The following RFT1 variants were observed in gnomAD, a reference collection of about 807,000 sequenced individuals.
RFT1 encodes the protein RFT1 glycolipid translocator homolog.
In RFT1, 43 loss-of-function variants were observed where a neutral mutation model predicts 62.2. The observed-to-expected ratio is 0.69, with a 90% CI of 0.54 to 0.89. The LOEUF (loss-of-function observed/expected upper bound fraction) is 0.89, where lower values mean the gene tolerates loss of function less well. Among genes scored for constraint, RFT1 ranks in the 40% least tolerant of loss-of-function variants. RFT1 has a pLI of 0.00. For missense variants in RFT1, 605 were observed against 649.9 expected, an observed-to-expected ratio of 0.93 and a Z score of 0.75; for synonymous variants, 262 against 264.6, an observed-to-expected ratio of 0.99 and a Z score of 0.10.
At chr3:53,072,630 C>T in the RFT1 span, among the ~76,000 whole-genome samples, 5 of 152,182 alleles carry the variant, frequency 3.3e-5, no homozygotes, top group Non-Finnish European at 5.9e-5. Flanking sequence ...TGGCTCAGGG[C>T]TGGGCTCCCA....
intron 5 of RFT1, 27 bp downstream of exon 5, chr3:53,121,672 T>C: frequency 6.5e-7 from 1 of 1,548,694 alleles, no homozygotes; most frequent in Non-Finnish European, 8.9e-7. Context: ...AAAGATCATA[T>C]AAAAAGTTAA....
intron 5 of RFT1, among the ~76,000 whole-genome samples, 188 bp downstream of exon 5, chr3:53,121,511 G>A (rs1023930243): frequency 2.0e-5 from 3 of 152,134 alleles, no homozygotes; most frequent in East Asian, 3.8e-4. Context: ...AAACACCTAC[G>A]GTCTCAGTGT....
At chr3:53,068,271 GC>G in the RFT1 span, among the ~76,000 whole-genome samples, 9,489 of 151,890 alleles carry the variant, frequency 0.062, 409 homozygotes, top group Middle Eastern at 0.12. Context: ...GTCTCAGACT[GC>G]CCCCCATCCA....
At chr3:53,097,458 A>G (rs558620756) in intron 11 of RFT1, among the ~76,000 whole-genome samples, 29 of 152,332 alleles carry the variant, frequency 1.9e-4, no homozygotes, top group African/African-American at 6.5e-4. Context: ...TTTTTTCTCT[A>G]TGTTGACTAA....
At chr3:53,101,962 G>A (rs1055205215) in intron 10 of RFT1, among the ~76,000 whole-genome samples, 15 of 149,766 alleles carry the variant, frequency 1.0e-4, no homozygotes, top group South Asian at 2.1e-4. Flanking sequence ...TCTTGAACCC[G>A]GGAGGTGGAG....
At chr3:53,087,631 T>C (rs1177938071), downstream of RFT1, among the ~76,000 whole-genome samples, 1 of 152,100 alleles carries the variant, frequency 6.6e-6, no homozygotes, top group East Asian at 1.9e-4. Context: ...AAGCAATCCT[T>C]TGCACCTCAG....
rs914696330 is a variant in RFT1, at chr3:53,122,443, C to T, written c.387G>A (p.Ser129=). ...YATGVVLFGL[S]AVVELLGEPF... ...GCTCTCCTAGAAGCTCCACCACTGC[C>T]GAGAGACCAAACAGCACCACTCCAG... The change falls in exon 4 of 13, where the codon TCG becomes TCA. Residue 129 remains serine (S), a synonymous_variant. Transcript: ENST00000296292. The T allele has an allele frequency of 1.4e-5, 22 of 1,614,030 alleles. No homozygotes were observed. The highest frequency in any genetic ancestry group is 1.6e-4 in the Middle Eastern group (1 of 6,062).
chr3:53,129,787 A>C (rs542713653), intron 1 of RFT1, among the ~76,000 whole-genome samples: 14 of 152,166 alleles, frequency 9.2e-5, no homozygotes, highest in Non-Finnish European at 1.9e-4. Context: ...AATGATCCCA[A>C]TCAATCCCTG....
At chr3:53,117,656 G>A (rs1485839618) in intron 6 of RFT1, among the ~76,000 whole-genome samples, 1 of 152,146 alleles carries the variant, frequency 6.6e-6, no homozygotes, top group Non-Finnish European at 1.5e-5. Flanking sequence ...TAACATCAGA[G>A]CTGCCTAGCT....
chr3:53,102,675 CTGTCCGTGCTG>C (rs1245311639), intron 10 of RFT1, among the ~76,000 whole-genome samples: 2 of 152,252 alleles, frequency 1.3e-5, no homozygotes, highest in Admixed American at 1.3e-4. Context: ...ACACAAAAGC[CTGTCCGTGCTG>C]TGTCCGAGTC....
chr3:53,067,582 C>T, the RFT1 span, among the ~76,000 whole-genome samples: 2 of 152,062 alleles, frequency 1.3e-5, no homozygotes, highest in East Asian at 1.9e-4. Context: ...CAGGTGTGCA[C>T]CTATGTAAAA....
chr3:53,106,282 G>A (rs1416805224), intron 8 of RFT1, among the ~76,000 whole-genome samples: 1 of 151,546 alleles, frequency 6.6e-6, no homozygotes, highest in African/African-American at 2.4e-5. Flanking sequence ...AGTAATAGAG[G>A]GATCCCATAT....
chr3:53,091,644 C>T lies in RFT1; in HGVS notation c.*259G>A. The T allele has an allele frequency of 2.0e-6, 1 of 497,622 alleles. No individual in the cohort carries two copies. Among genetic ancestry groups the T allele is most frequent in the Non-Finnish European group, 3.6e-6 (1 of 274,984 alleles). 30.8% of individuals were successfully genotyped at this position (497,622 alleles called of 1,614,324 possible). ...GAGTATATTAGTAAAAGAGAAAATG[C>T]TGATTACTATAAAATGATAAAAAAC... On this transcript the variant is annotated 3_prime_UTR_variant, in exon 13 of 13. Transcript: ENST00000296292.
At chr3:53,125,735 C>G (rs986775613) in intron 2 of RFT1, among the ~76,000 whole-genome samples, 174 bp downstream of exon 2, 1 of 152,220 alleles carries the variant, frequency 6.6e-6, no homozygotes, top group African/African-American at 2.4e-5. Flanking sequence ...AAAGCAACAT[C>G]GCCTGCGCGT....
At position 53,091,771 on chromosome 3, in the gene RFT1, T is replaced by G; in HGVS notation, c.*132A>C. The G allele has an allele frequency of 5.4e-6, 5 of 931,224 alleles. No homozygotes were observed. The South Asian group carries it at 6.9e-5, about 13-fold the overall frequency. The allele number at this position is 931,224 out of a possible 1,614,324, so 57.7% of individuals were successfully genotyped here. ...AGGTGTCTCATGCAGTGGCACTCTC[T>G]GGTGCCTCATCTCTGGGGTTGCTGT... On this transcript the variant is annotated 3_prime_UTR_variant, in exon 13 of 13. Coordinates refer to ENST00000296292, the MANE Select transcript of RFT1 (RefSeq NM_052859.4).
At chr3:53,118,040 C>T (rs1255125165) in intron 6 of RFT1, among the ~76,000 whole-genome samples, 1 of 152,222 alleles carries the variant, frequency 6.6e-6, no homozygotes, top group Non-Finnish European at 1.5e-5. Context: ...CAGGTGCACA[C>T]CACTATACCC....
intron 11 of RFT1, 140 bp from the exon 12 acceptor site, chr3:53,092,758 C>G (rs1701034599): frequency 1.0e-6 from 1 of 972,892 alleles, no homozygotes; most frequent in Admixed American, 2.3e-5. Flanking sequence ...CGAATGCTAC[C>G]TGGAGACCAT....
chr3:53,094,351 GCACACA>G (rs55637878), intron 11 of RFT1, among the ~76,000 whole-genome samples: 28,069 of 149,676 alleles, frequency 0.19, 3,762 homozygotes, highest in African/African-American at 0.39. Context: ...AATACTACAC[GCACACA>G]CACACACACA....
rs1229124174 is a variant in RFT1 at position 53,089,581 on chromosome 3, G to A, written c.*2322C>T. 2 of 152,320 alleles carry A rather than the reference G, an allele frequency of 1.3e-5. No individual in the cohort carries two copies. Among genetic ancestry groups the A allele is most frequent in the African/African-American group, 4.8e-5 (2 of 41,442 alleles). The allele number at this position is 152,320 out of a possible 1,614,324, so 9.4% of individuals were successfully genotyped here. On this transcript the variant is annotated 3_prime_UTR_variant, in exon 13 of 13. Transcript: ENST00000296292. ...CCAGCAGGGGAAATGCCAGAGGCCT[G>A]GTCAGGTCCAGCTGAGCTTTAGGGA...
Sources: allele counts gnomAD v4.1 joint callset (sites outside exome capture counted in the v4.1 genomes callset), GRCh38; gene constraint gnomAD v4.1.1; transcripts MANE v1.5; gene names NCBI Gene and HGNC (gene_info 2026-07-23, HGNC 2026-07-21).